KLHL25: variants seen among roughly 807,000 people sequenced by gnomAD.
KLHL25 encodes kelch-like protein 25.
Under a neutral mutation model 30.0 loss-of-function variants are expected in KLHL25, and 41 were observed. The ratio of observed to expected loss-of-function variants is 1.37; its 90% CI spans 1.07 to 1.78. KLHL25 has a LOEUF of 1.78. Among genes scored for constraint, KLHL25 ranks in the 40% most tolerant of loss-of-function variants. The pLI, the probability that KLHL25 is intolerant of heterozygous loss-of-function variation, is 0.00. For synonymous variants in KLHL25, 399 were observed against 355.3 expected (o/e 1.12, Z -1.38); for missense variants, 971 against 824.5 (o/e 1.18, Z -2.18).
Position 85,768,478 on chromosome 15 carries a change from T to C in KLHL25, c.1333A>G (p.Lys445Glu). ...SNAAVVSAKL[K>E]LFVFGGTSIH... ...CTGGTTCCTCCGAAAACAAAGAGCTTCAGCTTGGCACTCACCACTGCGGCA... is the reference window on the plus strand; with the variant it reads ...CTGGTTCCTCCGAAAACAAAGAGCTCCAGCTTGGCACTCACCACTGCGGCA... The change falls in exon 2 of 3, where the codon AAG becomes GAG. Residue 445 changes from lysine (K) to glutamate (E), a missense_variant. Coordinates refer to ENST00000337975, the MANE Select transcript of KLHL25 (RefSeq NM_022480.4). The C allele has an allele frequency of 6.2e-7, 1 of 1,613,558 alleles. No homozygotes were observed. Among genetic ancestry groups the C allele is most frequent in the Non-Finnish European group, 8.5e-7 (1 of 1,179,926 alleles).
intron 1 of KLHL25, 101 bp downstream of exon 1, chr15:85,794,665 T>G (rs944094002): frequency 6.6e-6 from 1 of 151,928 alleles, no homozygotes; most frequent in Non-Finnish European, 1.5e-5. Context: ...TCCGAGCGCT[T>G]GGTCCCGGCC....
intron 1 of KLHL25, among the ~76,000 whole-genome samples, chr15:85,776,152 G>T (rs1269054697): frequency 6.8e-6 from 1 of 146,250 alleles, no homozygotes. Context: ...CAGCCTGGGC[G>T]ACAGAGCGAG....
At chr15:85,792,821 C>A (rs1200551741) in intron 1 of KLHL25, among the ~76,000 whole-genome samples, 1 of 152,144 alleles carries the variant, frequency 6.6e-6, no homozygotes, top group African/African-American at 2.4e-5. Context: ...CCCCAGGAAG[C>A]CTTGCCCACC....
chr15:85,776,664 G>A (rs1178921763), intron 1 of KLHL25, among the ~76,000 whole-genome samples: 3 of 151,956 alleles, frequency 2.0e-5, no homozygotes, highest in East Asian at 1.9e-4. Context: ...GGTGGCTCAC[G>A]CCTGTAATAC....
Position 85,769,725 on chromosome 15 carries a change from G to C in KLHL25, c.86C>G (p.Pro29Arg). 1 of 1,613,916 alleles carries C rather than the reference G, an allele frequency of 6.2e-7. No individual in the cohort carries two copies. The highest frequency in any genetic ancestry group is 8.5e-7 in the Non-Finnish European group (1 of 1,180,052). ...GTTGAGGTGGGCCAGCACACAGTCC[G>C]GGTGGGAGGCCTTGTGGAAGAGGGT... ...NVTLFHKASH[P>R]DCVLAHLNTL... The change falls in exon 2 of 3, where the codon CCG becomes CGG. Residue 29 changes from proline (P) to arginine (R), a missense_variant. Pro to Arg is a moderately radical substitution (Grantham distance 103). Coordinates refer to ENST00000337975, the MANE Select transcript of KLHL25 (RefSeq NM_022480.4).
At chr15:85,790,843 G>A (rs2089811564) in intron 1 of KLHL25, among the ~76,000 whole-genome samples, 1 of 151,344 alleles carries the variant, frequency 6.6e-6, no homozygotes, top group Non-Finnish European at 1.5e-5. Flanking sequence ...TTATGTATTT[G>A]CAGAAAATAT....
In KLHL25 at chr15:85,769,319, C is replaced by T; in HGVS notation, c.492G>A (p.Leu164=). Residue 164 remains leucine, a synonymous_variant, in exon 2 of 3, where the codon CTG becomes CTA. Coordinates refer to ENST00000337975, the MANE Select transcript of KLHL25 (RefSeq NM_022480.4). The stretch of plus-strand genomic sequence containing the variant: ...GGCACATGCGCCAGGAGAACTCATA[C>T]AGCCGGCGGCACTGGTGGGCGTCCG... ...LLSDAHQCRR[L]YEFSWRMCLV... is the part of the protein sequence containing the mutation. 5.6e-6 allele frequency: 9 copies of T among 1,614,130 alleles called. No individual in the cohort carries two copies. The highest frequency in any genetic ancestry group is 7.6e-6 in the Non-Finnish European group (9 of 1,180,038).
rs183916552 is a variant in KLHL25, at chr15:85,776,429, C to T, written c.-10-6609G>A. On this transcript the variant is annotated intron_variant, in intron 1 of 2. Coordinates refer to ENST00000337975, the MANE Select transcript of KLHL25 (RefSeq NM_022480.4). ...GCTCAAACCTGGGAGGTGAAGGTTGCAGTGAGCCAAGATCGTGCCACTGCA... is the reference window on the plus strand; with the variant it reads ...GCTCAAACCTGGGAGGTGAAGGTTGTAGTGAGCCAAGATCGTGCCACTGCA... Among the ~76,000 whole-genome samples the T allele has an allele frequency of 1.3e-3, 199 of 151,970 alleles. 2 individuals are homozygous for T. The highest frequency in any genetic ancestry group is 4.7e-3 in the African/African-American group (196 of 41,410).
In KLHL25 at chr15:85,789,694, T is replaced by C. The variant is rs1440961943; in HGVS notation, c.-11+5072A>G. ...GGGTCATCCTGGTGCTCCCACGAAC[T>C]GCTGCCCAGCTCCCTGCCCACGACC... On this transcript the variant is annotated intron_variant, in intron 1 of 2. Coordinates refer to ENST00000337975, the MANE Select transcript of KLHL25 (RefSeq NM_022480.4). This position sits in a 1 kb window ranked among gnomAD's most constrained non-coding sequence, Gnocchi z 4.1. Among the ~76,000 whole-genome samples the C allele has an allele frequency of 6.6e-6, 1 of 152,120 alleles. No individual in the cohort carries two copies. The highest frequency in any genetic ancestry group is 1.5e-5 in the Non-Finnish European group (1 of 68,022).
intron 2 of KLHL25, among the ~76,000 whole-genome samples, chr15:85,764,998 G>A (rs1177936053): frequency 6.6e-6 from 1 of 152,186 alleles, no homozygotes; most frequent in African/African-American, 2.4e-5. Context: ...AGAGTACATG[G>A]TTCACCAGGT....
chr15:85,778,578 G>A (rs1481258182), intron 1 of KLHL25, among the ~76,000 whole-genome samples: 3 of 152,176 alleles, frequency 2.0e-5, no homozygotes, highest in Non-Finnish European at 4.4e-5. Flanking sequence ...CCAAAGCTAC[G>A]CAAGGAGTGG....
chr15:85,787,844 AC>A (rs2089790528), intron 1 of KLHL25, among the ~76,000 whole-genome samples: 2 of 152,216 alleles, frequency 1.3e-5, no homozygotes, highest in Non-Finnish European at 2.9e-5. Context: ...GTGGACAGAT[AC>A]AAAGGAGGGG....
intron 1 of KLHL25, among the ~76,000 whole-genome samples, chr15:85,788,963 C>T (rs1343622117): frequency 6.6e-6 from 1 of 152,190 alleles, no homozygotes; most frequent in Non-Finnish European, 1.5e-5. Context: ...GCCCTCACTC[C>T]TCTCAGACAA....
At chr15:85,785,969 C>A (rs1339561099) in intron 1 of KLHL25, among the ~76,000 whole-genome samples, 1 of 143,010 alleles carries the variant, frequency 7.0e-6, no homozygotes, top group African/African-American at 2.5e-5. Flanking sequence ...GACCCACCCC[C>A]CCGCCCCAGG....
At chr15:85,790,799 C>T (rs1163534681) in intron 1 of KLHL25, among the ~76,000 whole-genome samples, 1 of 151,688 alleles carries the variant, frequency 6.6e-6, no homozygotes, top group African/African-American at 2.4e-5. Flanking sequence ...GAACAGGAGA[C>T]CACTGTGGGA....
intron 1 of KLHL25, chr15:85,770,492 C>G (rs1183100933): frequency 1.9e-6 from 1 of 533,896 alleles, no homozygotes; most frequent in Non-Finnish European, 3.8e-6. Flanking sequence ...TGCCTTGGAA[C>G]AAGAGCCGCC....
chr15:85,770,811 G>A (rs563060004), intron 1 of KLHL25, among the ~76,000 whole-genome samples: 13 of 152,194 alleles, frequency 8.5e-5, no homozygotes, highest in Non-Finnish European at 1.5e-4. Context: ...CAGGCCTGGG[G>A]ACCTGGCGCT....
At chr15:85,777,198 G>A (rs547709782) in intron 1 of KLHL25, among the ~76,000 whole-genome samples, 2 of 152,278 alleles carry the variant, frequency 1.3e-5, no homozygotes, top group African/African-American at 2.4e-5. Flanking sequence ...GGTAATAAAC[G>A]GGCTTCCCCT....
intron 1 of KLHL25, among the ~76,000 whole-genome samples, chr15:85,774,398 T>G (rs1027027974): frequency 1.3e-5 from 2 of 152,186 alleles, no homozygotes; most frequent in African/African-American, 4.8e-5. Context: ...TCAGCTAAAA[T>G]GTACCGGGTA....
Sources: allele counts gnomAD v4.1 joint callset (sites outside exome capture counted in the v4.1 genomes callset), GRCh38; gene constraint gnomAD v4.1.1; non-coding constraint Gnocchi (gnomAD v3.1); transcripts MANE v1.5; gene names NCBI Gene and HGNC (gene_info 2026-07-23, HGNC 2026-07-21).